Variants in TTC17 observed in about 807,000 individuals in gnomAD.
TTC17 encodes tetratricopeptide repeat protein 17.
In TTC17, 58 loss-of-function variants were observed where a neutral mutation model predicts 143.8. That is an observed-to-expected ratio of 0.40 (90% CI 0.33 to 0.50). TTC17 has a LOEUF of 0.50. Ranked by LOEUF, TTC17 falls within the 20% of genes least tolerant of loss-of-function variation. The pLI is 0.49. For missense variants in TTC17, 1,273 were observed against 1,392.5 expected, an observed-to-expected ratio of 0.91 and a Z score of 1.37; for synonymous variants, 501 against 497.8, an observed-to-expected ratio of 1.01 and a Z score of -0.09.
At chr11:43,446,685 G>A (rs1590436380) in intron 18 of TTC17, 6 of 984,628 alleles carry the variant, frequency 6.1e-6, no homozygotes, top group African/African-American at 1.7e-5. Flanking sequence ...TCTACTGTTC[G>A]TAAATTCCTA....
intron 16 of TTC17, among the ~76,000 whole-genome samples, chr11:43,426,525 T>C (rs1376688325): frequency 6.6e-6 from 1 of 152,240 alleles, no homozygotes; most frequent in African/African-American, 2.4e-5. Context: ...TAGGAAACTT[T>C]ATTACTGAGA....
In TTC17 at chr11:43,451,254, G is replaced by A. The variant is rs1351626514; in HGVS notation, c.3019G>A (p.Val1007Ile). 3 of 1,613,464 alleles carry A rather than the reference G, an allele frequency of 1.9e-6. No individual in the cohort carries two copies. Residue 1007 changes from valine to isoleucine, a missense_variant, in exon 21 of 24, where the codon GTT (valine) becomes ATT (isoleucine). Around this residue, in one of 3 missense-constraint regions of TTC17, gnomAD observed 878 missense variants for 899.8 expected, o/e 0.98. Transcript: ENST00000039989. Reference sequence around the variant, plus strand: ...ACAGATTGGCACCCGAATTGCCAAAGTTTTGGAAAAGGTAAGTCACCCCAC... The same window carrying A: ...ACAGATTGGCACCCGAATTGCCAAAATTTTGGAAAAGGTAAGTCACCCCAC... Reference protein sequence around the residue: ...LEQIGTRIAKVLEKNQTSWVL... With the variant: ...LEQIGTRIAKILEKNQTSWVL...
chr11:43,401,733 C>G, intron 10 of TTC17, 175 bp downstream of exon 10: 1 of 503,520 alleles, frequency 2.0e-6, no homozygotes, highest in Non-Finnish European at 3.5e-6. Context: ...AATCTCAGCA[C>G]TTAGGGAGGC....
At chr11:43,474,449 A>G (rs1429250089) in intron 21 of TTC17, among the ~76,000 whole-genome samples, 3 of 152,344 alleles carry the variant, frequency 2.0e-5, no homozygotes, top group East Asian at 1.9e-4. Context: ...GAATGAAGCT[A>G]GGTTCCTTGA....
intron 21 of TTC17, among the ~76,000 whole-genome samples, chr11:43,454,425 A>G (rs574888701): frequency 2.7e-4 from 41 of 152,300 alleles, no homozygotes; most frequent in African/African-American, 9.6e-4. Context: ...ACAATATAGT[A>G]AAAGAATACA....
chr11:43,448,892 T>G lies in TTC17; in HGVS notation c.2786+770T>G, dbSNP rs996734007. ...TTTTAGTAAATAGCTCCAGTAATGC[T>G]TAGGCCAAAAACCTGGGAGTTATCC... On this transcript the variant is annotated intron_variant, in intron 19 of 23. Transcript: ENST00000039989. 2.0e-5 allele frequency: 3 copies of G among 152,198 alleles called. No homozygotes were observed. The South Asian group carries it at 6.2e-4, about 32-fold the overall frequency. The allele number at this position is 152,198 out of a possible 1,614,324, so 9.4% of individuals were successfully genotyped here.
Position 43,405,884 on chromosome 11 carries a change from A to G in TTC17, c.1694A>G (p.Tyr565Cys), listed in dbSNP as rs764474872. 1 of 1,614,018 alleles carries G rather than the reference A, an allele frequency of 6.2e-7. No homozygotes were observed. Among genetic ancestry groups the G allele is most frequent in the East Asian group, 2.2e-5 (1 of 44,882 alleles). Reference sequence around the variant, plus strand: ...TTCAGAAAAAGCCACACTCTGTCCTACTTAGTCAAAGAATTAGAGGTTCGC... The same window carrying G: ...TTCAGAAAAAGCCACACTCTGTCCTGCTTAGTCAAAGAATTAGAGGTTCGC... ...TDFRKSHTLS[Y>C]LVKELEVRMD... The change falls in exon 13 of 24, where the codon TAC (tyrosine) becomes TGC (cysteine). Residue 565 changes from tyrosine (Y) to cysteine (C), a missense_variant. Tyr to Cys is a radical substitution (Grantham distance 194). This residue lies in a region of TTC17 where 878 missense variants were observed against 899.8 expected (regional missense o/e 0.98). Transcript: ENST00000039989.
At chr11:43,489,300 A>G (rs575022963) in intron 21 of TTC17, among the ~76,000 whole-genome samples, 2 of 152,322 alleles carry the variant, frequency 1.3e-5, no homozygotes, top group South Asian at 2.1e-4. Context: ...AGAATGGTCA[A>G]CTCTACTCAT....
chr11:43,407,143 G>T lies in TTC17; in HGVS notation c.1767G>T (p.Leu589Phe). 1 of 1,572,586 alleles carries T rather than the reference G, an allele frequency of 6.4e-7. No individual in the cohort carries two copies. The change falls in exon 14 of 24, where the codon TTG becomes TTT. Residue 589 changes from leucine to phenylalanine, a missense_variant. Leu to Phe is a conservative substitution (Grantham distance 22). This residue lies in a region of TTC17 where 878 missense variants were observed against 899.8 expected (regional missense o/e 0.98). Transcript: ENST00000039989. ...KMPDDHARKI[L>F]LSRINNYTIP... Reference sequence around the variant, plus strand: ...TCTTCCTTTTGATGTTTCAGATTTTGCTTTCCCGTATTAATAACTATACTA... The same window carrying T: ...TCTTCCTTTTGATGTTTCAGATTTTTCTTTCCCGTATTAATAACTATACTA...
intron 1 of TTC17, among the ~76,000 whole-genome samples, chr11:43,365,394 A>C (rs1181805336): frequency 6.6e-6 from 1 of 151,916 alleles, no homozygotes; most frequent in African/African-American, 2.4e-5. Flanking sequence ...TCAGCCTCCC[A>C]TGTAGCTGGG....
In TTC17 at chr11:43,487,858, C is replaced by T. The variant is rs535390945; in HGVS notation, c.3031-2381C>T. Among the ~76,000 whole-genome samples, 30 of 152,332 alleles carry T rather than the reference C, an allele frequency of 2.0e-4. No individual in the cohort carries two copies. In the East Asian group the frequency reaches 5.6e-3, roughly 28 times the overall value. ...CAGTTGGCCTCTTGCTGCCTCTTCACATGGTTGTCCCTCTGTGCACACAGG... is the reference window on the plus strand; with the variant it reads ...CAGTTGGCCTCTTGCTGCCTCTTCATATGGTTGTCCCTCTGTGCACACAGG... On this transcript the variant is annotated intron_variant, in intron 21 of 23. Coordinates refer to ENST00000039989, the MANE Select transcript of TTC17 (RefSeq NM_018259.6).
intron 2 of TTC17, among the ~76,000 whole-genome samples, chr11:43,387,898 T>C (rs1408562996): frequency 3.3e-5 from 5 of 152,138 alleles, no homozygotes; most frequent in Admixed American, 6.5e-5. Flanking sequence ...AACAAAATAA[T>C]GTTTCATACC....
At chr11:43,438,702 A>G (rs759790584) in intron 16 of TTC17, among the ~76,000 whole-genome samples, 2 of 152,076 alleles carry the variant, frequency 1.3e-5, no homozygotes, top group African/African-American at 2.4e-5. Context: ...ACCTCTTTCT[A>G]TGGCTGTGTT....
At chr11:43,398,157 A>C (rs994511306) in intron 8 of TTC17, 44 bp downstream of exon 8, 9 of 1,607,610 alleles carry the variant, frequency 5.6e-6, no homozygotes, top group Non-Finnish European at 7.7e-6. Context: ...GCACTATCGA[A>C]CCTTAGGTTA....
chr11:43,494,059 T>C lies in TTC17; in HGVS notation c.*155T>C. ...TTACATATGTGGGAATTGGTTTGTT[T>C]TTGTTTTTACGTTTCTCCTTTCCCC... is the stretch of plus-strand genomic sequence containing the variant. On this transcript the variant is annotated 3_prime_UTR_variant, in exon 24 of 24. Transcript: ENST00000039989. 1 of 1,183,298 alleles carries C rather than the reference T, an allele frequency of 8.5e-7. No individual in the cohort carries two copies. Among genetic ancestry groups the C allele is most frequent in the Non-Finnish European group, 1.1e-6 (1 of 878,316 alleles). The allele number at this position is 1,183,298 out of a possible 1,614,324, so 73.3% of individuals were successfully genotyped here. A position where few individuals can be genotyped will look rare whatever the true frequency, so the allele number is the denominator to read the frequency against.
At position 43,434,494 on chromosome 11, in the gene TTC17, AC is replaced by A. The variant is rs529152986; in HGVS notation, c.2252-8830del. 2.2e-4 allele frequency among the ~76,000 whole-genome samples: 34 copies of A among 152,334 alleles called. 1 individual carries two copies. In the South Asian group the frequency reaches 7.0e-3, roughly 32 times the overall value. ...ACTTACTTTTGACTTTAGGCAAGTTACTTTATTTCACTGAGAATCGGTTTCC... is the reference window on the plus strand; with the variant it reads ...ACTTACTTTTGACTTTAGGCAAGTTATTTATTTCACTGAGAATCGGTTTCC... On this transcript the variant is annotated intron_variant, in intron 16 of 23. Transcript: ENST00000039989.
chr11:43,465,292 T>G (rs1947949264), intron 21 of TTC17, among the ~76,000 whole-genome samples: 1 of 152,218 alleles, frequency 6.6e-6, no homozygotes, highest in South Asian at 2.1e-4. Context: ...GTTCTACAAC[T>G]TCTTAGACAC....
chr11:43,374,278 A>G (rs1318691421), intron 1 of TTC17, among the ~76,000 whole-genome samples: 2 of 152,174 alleles, frequency 1.3e-5, no homozygotes, highest in African/African-American at 4.8e-5. Context: ...TTAACTCAAG[A>G]TGGATTAAAG....
chr11:43,491,187 T>C (rs899953972), intron 22 of TTC17: 2 of 152,230 alleles, frequency 1.3e-5, no homozygotes, highest in South Asian at 4.1e-4. Flanking sequence ...TCTAGAGTCA[T>C]GCATTCTATG....
Sources: gnomAD v4.1 joint callset for allele counts (sites outside exome capture counted in the v4.1 genomes callset) on GRCh38, gnomAD v4.1.1 for gene constraint, gnomAD v4.1.1 regional missense constraint, MANE v1.5 for transcripts, NCBI Gene and HGNC (gene_info 2026-07-23, HGNC 2026-07-21) for gene names.